Variants in TBC1D31 observed in about 807,000 individuals in gnomAD.
TBC1D31 encodes the protein TBC1 domain family member 31.
In TBC1D31, 99 loss-of-function variants were observed where a neutral mutation model predicts 132.9. The observed-to-expected ratio is 0.74, with a 90% CI of 0.63 to 0.88. TBC1D31 has a LOEUF of 0.88. Among genes scored for constraint, TBC1D31 ranks in the 40% least tolerant of loss-of-function variants. The pLI is 0.00. For missense variants in TBC1D31, 1,134 were observed against 1,256.6 expected (o/e 0.90, Z 1.48); for synonymous variants, 385 against 419.4 (o/e 0.92, Z 1.00).
downstream of TBC1D31, among the ~76,000 whole-genome samples, chr8:123,152,399 C>T (rs1822859903): frequency 6.6e-6 from 1 of 152,122 alleles, no homozygotes; most frequent in South Asian, 2.1e-4. Flanking sequence ...AGGGACCCCA[C>T]CGGACTTGTA....
rs1388088537 is a variant in TBC1D31 at position 123,150,017 on chromosome 8, C to G, written c.2975-19C>G. Reference sequence around the variant, plus strand: ...ACTCACTCCCAAACATCATCTTAATCTCCTCACTTTTATAACAGAAGAACC... The same window carrying G: ...ACTCACTCCCAAACATCATCTTAATGTCCTCACTTTTATAACAGAAGAACC... On this transcript the variant is annotated intron_variant, in intron 20 of 21. Transcript: ENST00000287380. 1 of 1,591,356 alleles carries G rather than the reference C, an allele frequency of 6.3e-7. No individual in the cohort carries two copies. The highest frequency in any genetic ancestry group is 2.2e-5 in the East Asian group (1 of 44,764).
intron 2 of TBC1D31, among the ~76,000 whole-genome samples, 154 bp downstream of exon 2, chr8:123,077,411 G>GA (rs1328970822): frequency 7.3e-6 from 1 of 137,646 alleles, no homozygotes; most frequent in African/African-American, 2.6e-5. Flanking sequence ...GCTAAAGGAC[G>GA]AAAGTGGGAA....
intron 10 of TBC1D31, 121 bp downstream of exon 10, chr8:123,109,741 G>A (rs905151526): frequency 1.1e-6 from 1 of 943,298 alleles, no homozygotes; most frequent in African/African-American, 1.7e-5. Context: ...TGATATGTTG[G>A]TTTAATTTTA....
At chr8:123,147,238 T>A (rs1358250994) in intron 20 of TBC1D31, among the ~76,000 whole-genome samples, 3 of 152,028 alleles carry the variant, frequency 2.0e-5, no homozygotes, top group African/African-American at 7.2e-5. Context: ...AGTGGCACAA[T>A]CTCGGCTCAC....
intron 10 of TBC1D31, among the ~76,000 whole-genome samples, chr8:123,114,540 T>C (rs1241692625): frequency 6.6e-6 from 1 of 152,188 alleles, no homozygotes; most frequent in Non-Finnish European, 1.5e-5. Context: ...CAGGCTGGTC[T>C]GGAATTCCTG....
the TBC1D31 span, among the ~76,000 whole-genome samples, chr8:123,164,381 G>A: frequency 2.0e-5 from 3 of 152,186 alleles, no homozygotes; most frequent in Non-Finnish European, 4.4e-5. Context: ...TCAGCTTACT[G>A]TGGCAGAGGG....
chr8:123,105,337 T>A lies in TBC1D31; in HGVS notation c.1082T>A (p.Leu361Gln). The A allele has an allele frequency of 6.2e-7, 1 of 1,604,036 alleles. No homozygotes were observed. Among genetic ancestry groups the A allele is most frequent in the Non-Finnish European group, 8.5e-7 (1 of 1,174,690 alleles). Residue 361 changes from leucine to glutamine, a missense_variant, in exon 8 of 22, where the codon CTG (leucine) becomes CAG (glutamine). Transcript: ENST00000287380. ...KVIEDLPKNK[L>Q]SSSDLKMKVT... ...ATTGAAGATTTGCCCAAGAATAAAC[T>A]GAGTTCCAGTGATCTTAAGATGAAA...
chr8:123,133,212 C>T (rs1239089357), intron 16 of TBC1D31, among the ~76,000 whole-genome samples: 8 of 152,226 alleles, frequency 5.3e-5, no homozygotes, highest in Non-Finnish European at 8.8e-5. Context: ...CTGTTTGTAT[C>T]TCTGAAAATT....
intron 19 of TBC1D31, among the ~76,000 whole-genome samples, chr8:123,143,311 T>C (rs187517824): frequency 1.4e-3 from 218 of 152,266 alleles, no homozygotes; most frequent in African/African-American, 4.9e-3. Context: ...TCATCCCAAA[T>C]AAAATTAAGA....
At chr8:123,155,507 T>A (rs1487536586), downstream of TBC1D31, among the ~76,000 whole-genome samples, 1 of 152,104 alleles carries the variant, frequency 6.6e-6, no homozygotes, top group Non-Finnish European at 1.5e-5. The surrounding 1 kb of genome is among the most constrained non-coding windows in gnomAD (Gnocchi z 4.1). Flanking sequence ...TCCCTAAGAA[T>A]GAAATAGATA....
intron 6 of TBC1D31, among the ~76,000 whole-genome samples, chr8:123,098,298 C>T (rs1321949142): frequency 1.3e-5 from 2 of 151,986 alleles, no homozygotes; most frequent in African/African-American, 4.8e-5. Context: ...TTCTATTCTT[C>T]CAGTTTTTTT....
At chr8:123,138,769 T>C (rs1321395225) in intron 17 of TBC1D31, among the ~76,000 whole-genome samples, 1 of 152,122 alleles carries the variant, frequency 6.6e-6, no homozygotes, top group Non-Finnish European at 1.5e-5. Context: ...TTGGAGATAG[T>C]GTGATTAATG....
At chr8:123,140,058 GT>G (rs1449607564) in intron 17 of TBC1D31, among the ~76,000 whole-genome samples, 2 of 152,068 alleles carry the variant, frequency 1.3e-5, no homozygotes, top group African/African-American at 4.8e-5. Flanking sequence ...CAGGCTGCTG[GT>G]TTTCAAGACT....
intron 17 of TBC1D31, among the ~76,000 whole-genome samples, chr8:123,135,530 G>A (rs572601429): frequency 4.6e-5 from 7 of 152,234 alleles, no homozygotes; most frequent in African/African-American, 1.7e-4. Flanking sequence ...GAGCCCGGGG[G>A]ACGGAGGCTG....
At chr8:123,081,320 G>C (rs896930651) in intron 2 of TBC1D31, among the ~76,000 whole-genome samples, 1 of 152,034 alleles carries the variant, frequency 6.6e-6, no homozygotes, top group African/African-American at 2.4e-5. Flanking sequence ...GGCTTCATCT[G>C]CCATGTAAAC....
chr8:123,097,696 G>C lies in TBC1D31; in HGVS notation c.831+255G>C, dbSNP rs1035130152. 41 of 288,192 alleles carry C rather than the reference G, an allele frequency of 1.4e-4. No individual in the cohort carries two copies. In the East Asian group the frequency reaches 2.7e-3, roughly 19 times the overall value. 17.9% of individuals were successfully genotyped at this position (288,192 alleles called of 1,614,324 possible). ...TATTGTACTTTATGGTTTGCAGTGT[G>C]CTTTAGCATGCAATTTTTCATTTGA... On this transcript the variant is annotated intron_variant, in intron 6 of 21. Coordinates refer to ENST00000287380, the MANE Select transcript of TBC1D31 (RefSeq NM_145647.4).
the TBC1D31 span, among the ~76,000 whole-genome samples, chr8:123,163,927 G>A: frequency 6.6e-6 from 1 of 152,162 alleles, no homozygotes; most frequent in Admixed American, 6.5e-5. Context: ...CATCACCCCA[G>A]ACAGAAACTC....
Position 123,119,132 on chromosome 8 carries a change from T to C in TBC1D31, c.1437-923T>C, listed in dbSNP as rs541870855. Among the ~76,000 whole-genome samples, 5 of 152,336 alleles carry C rather than the reference T, an allele frequency of 3.3e-5. No individual in the cohort carries two copies. In the East Asian group the frequency reaches 7.7e-4, roughly 23 times the overall value. The stretch of plus-strand genomic sequence containing the variant: ...CATTTCTCACCTAGATTAAAGGTTT[T>C]TTAAAAATCATTGATAATATGCGGC... On this transcript the variant is annotated intron_variant, in intron 10 of 21. Coordinates refer to ENST00000287380, the MANE Select transcript of TBC1D31 (RefSeq NM_145647.4).
At chr8:123,141,120 GAGGAAATACAAAGGAAT>G (rs1790248399) in intron 18 of TBC1D31, among the ~76,000 whole-genome samples, 1 of 150,352 alleles carries the variant, frequency 6.7e-6, no homozygotes, top group South Asian at 2.1e-4. Context: ...CCTACAGTTT[GAGGAAATACAAAGGAAT>G]AGTGACTTAC....
Sources: allele counts gnomAD v4.1 joint callset (sites outside exome capture counted in the v4.1 genomes callset), GRCh38; gene constraint gnomAD v4.1.1; non-coding constraint Gnocchi (gnomAD v3.1); transcripts MANE v1.5; gene names NCBI Gene and HGNC (gene_info 2026-07-23, HGNC 2026-07-21).